Variants in PEX3 observed in about 807,000 individuals in gnomAD.
The protein encoded by PEX3 is peroxisomal biogenesis factor 3.
In PEX3, 30 loss-of-function variants were observed where a neutral mutation model predicts 55.8. The observed-to-expected ratio is 0.54, with a 90% CI of 0.40 to 0.73. The LOEUF (loss-of-function observed/expected upper bound fraction) is 0.73. Ranked by LOEUF, PEX3 falls within the 30% of genes least tolerant of loss-of-function variation. The pLI is 0.00. For missense variants in PEX3, 351 were observed against 432.8 expected (o/e 0.81, Z 1.68); for synonymous variants, 135 against 148.4 (o/e 0.91, Z 0.66).
chr6:143,468,249 T>C (rs1780017368), intron 4 of PEX3, 84 bp downstream of exon 4: 1 of 870,482 alleles, frequency 1.1e-6, no homozygotes, highest in South Asian at 1.5e-5. Context: ...ATGACTCTTC[T>C]TTACCTGCCT....
rs1010904637 is a variant in PEX3 at position 143,487,544 on chromosome 6, C to T, written c.1039-1599C>T. ...AAGATCCTTAAGATTAGAGCTTTTT[C>T]GTAACTCAAAACCAAAGCACTTTTA... is the stretch of plus-strand genomic sequence containing the variant. On this transcript the variant is annotated intron_variant, in intron 11 of 11. Transcript: ENST00000367591. The surrounding 1 kb of genome is among the most constrained non-coding windows in gnomAD (Gnocchi z 5.3). 2.6e-5 allele frequency among the ~76,000 whole-genome samples: 4 copies of T among 152,082 alleles called. No individual in the cohort carries two copies. In the East Asian group the frequency reaches 5.8e-4, roughly 22 times the overall value.
At chr6:143,468,101 T>A in intron 3 of PEX3, 21 bp from the exon 4 acceptor site, 1 of 1,316,070 alleles carries the variant, frequency 7.6e-7, no homozygotes, top group Non-Finnish European at 1.1e-6. Flanking sequence ...TATTTTCATA[T>A]TTTTAAATTT....
Position 143,451,828 on chromosome 6 carries a change from G to A in PEX3, c.73+713G>A, listed in dbSNP as rs1480750620. Among the ~76,000 whole-genome samples the A allele has an allele frequency of 1.3e-5, 2 of 152,158 alleles. No homozygotes were observed. Among genetic ancestry groups the A allele is most frequent in the African/African-American group, 2.4e-5 (1 of 41,438 alleles). ...ACAGATAAGATAAAAATCTTGAGAC[G>A]CTTTTCCCTCATACAATGCTCATGT... On this transcript the variant is annotated intron_variant, in intron 1 of 11. Coordinates refer to ENST00000367591, the MANE Select transcript of PEX3 (RefSeq NM_003630.3). This position sits in a 1 kb window ranked among gnomAD's most constrained non-coding sequence, Gnocchi z 4.1.
chr6:143,467,222 T>C (rs570054862), intron 3 of PEX3, among the ~76,000 whole-genome samples: 251 of 152,184 alleles, frequency 1.6e-3, no homozygotes, highest in African/African-American at 5.6e-3. Flanking sequence ...CTATTTTTTA[T>C]GTGGACAAAA....
rs779716813 is a variant in PEX3 at position 143,489,155 on chromosome 6, A to G, written c.1051A>G (p.Met351Val). 2.5e-6 allele frequency: 4 copies of G among 1,603,546 alleles called. No homozygotes were observed. Among genetic ancestry groups the G allele is most frequent in the East Asian group, 4.5e-5 (2 of 44,718 alleles). The change falls in exon 12 of 12, where the codon ATG becomes GTG. Residue 351 changes from methionine (M) to valine (V), a missense_variant. Coordinates refer to ENST00000367591, the MANE Select transcript of PEX3 (RefSeq NM_003630.3). The surrounding 1 kb of genome is among the most constrained non-coding windows in gnomAD (Gnocchi z 5.5). ...TCATCTTTGCTAGGATCTGTTGACA[A>G]TGGAGCAAGTGAAAGACTTTGCTGC... ...PSHFVQDLLT[M>V]EQVKDFAANV...
intron 9 of PEX3, among the ~76,000 whole-genome samples, chr6:143,477,164 G>A (rs1487713340): frequency 2.0e-5 from 3 of 152,156 alleles, no homozygotes; most frequent in Non-Finnish European, 4.4e-5. Flanking sequence ...AAGAATTAGA[G>A]TTTAGCAGAG....
Position 143,472,186 on chromosome 6 carries a change from T to C in PEX3, c.605T>C (p.Leu202Pro). ...GTTTCTCTTAAACATTCTTTGTCCC[T>C]TTTGGACTTGGAGCAAAAACTAAAA... ...GSVSLKHSLS[L>P]LDLEQKLKEI... is the part of the protein sequence containing the mutation. The change falls in exon 8 of 12, where the codon CTT becomes CCT. Residue 202 changes from leucine (L) to proline (P), a missense_variant. By Grantham distance (98) the Leu-to-Pro change is moderately conservative (BLOSUM62 -3). Coordinates refer to ENST00000367591, the MANE Select transcript of PEX3 (RefSeq NM_003630.3). 6.2e-7 allele frequency: 1 copy of C among 1,608,134 alleles called. No individual in the cohort carries two copies. The highest frequency in any genetic ancestry group is 8.5e-7 in the Non-Finnish European group (1 of 1,174,846).
chr6:143,451,075 C>G lies in PEX3; in HGVS notation c.33C>G (p.Arg11=). 1 of 1,613,764 alleles carries G rather than the reference C, an allele frequency of 6.2e-7. No individual in the cohort carries two copies. Among genetic ancestry groups the G allele is most frequent in the Admixed American group, 1.7e-5 (1 of 60,014 alleles). ...GGTCTGTATGGAATTTTCTGAAACG[C>G]CACAAAAAGAAATGCATCTTCCTGG... is the stretch of plus-strand genomic sequence containing the variant. MLRSVWNFLK[R]HKKKCIFLGT... The change falls in exon 1 of 12, where the codon CGC becomes CGG. Residue 11 remains arginine (R), a synonymous_variant. Coordinates refer to ENST00000367591, the MANE Select transcript of PEX3 (RefSeq NM_003630.3). This position sits in a 1 kb window ranked among gnomAD's most constrained non-coding sequence, Gnocchi z 4.1.
At position 143,468,248 on chromosome 6, in the gene PEX3, C is replaced by G. The variant is rs1394929418; in HGVS notation, c.331+83C>G. 8 of 868,888 alleles carry G rather than the reference C, an allele frequency of 9.2e-6. No individual in the cohort carries two copies. The African/African-American group carries it at 1.0e-4, about 11-fold the overall frequency. The allele number at this position is 868,888 out of a possible 1,614,324, so 53.8% of individuals were successfully genotyped here. On this transcript the variant is annotated intron_variant, in intron 4 of 11. Coordinates refer to ENST00000367591, the MANE Select transcript of PEX3 (RefSeq NM_003630.3). ...TTTGCATTCTATTAGGATGACTCTTCTTTACCTGCCTTTTAGAATTGTTGT... is the reference window on the plus strand; with the variant it reads ...TTTGCATTCTATTAGGATGACTCTTGTTTACCTGCCTTTTAGAATTGTTGT...
Position 143,462,912 on chromosome 6 carries a change from A to G in PEX3, c.206-4A>G. The G allele has an allele frequency of 1.2e-6, 2 of 1,608,846 alleles. No homozygotes were observed. Among genetic ancestry groups the G allele is most frequent in the South Asian group, 2.2e-5 (2 of 90,988 alleles). On this transcript the variant is annotated splice_polypyrimidine_tract_variant and splice_region_variant and intron_variant, in intron 2 of 11. Coordinates refer to ENST00000367591, the MANE Select transcript of PEX3 (RefSeq NM_003630.3). This position sits in a 1 kb window ranked among gnomAD's most constrained non-coding sequence, Gnocchi z 4.1. ...CTTTTTTATTTTTTTTGTTTGTATT[A>G]CAGTGCTGTCCATGCTTCCAACACT... is the stretch of plus-strand genomic sequence containing the variant.
In PEX3 at chr6:143,490,444, A is replaced by T. The variant is rs1362373258; in HGVS notation, c.*1218A>T. The T allele has an allele frequency of 5.2e-6, 1 of 193,726 alleles. No homozygotes were observed. Among genetic ancestry groups the T allele is most frequent in the East Asian group, 1.6e-4 (1 of 6,116 alleles). The allele number at this position is 193,726 out of a possible 1,614,324, so 12.0% of individuals were successfully genotyped here. A position where few individuals can be genotyped will look rare whatever the true frequency, so the allele number is the denominator to read the frequency against. ...GAGTTTGTGTCTAGAATGTTTTTAA[A>T]AATAGGTAGTGGAGCCATAGCCCTC... On this transcript the variant is annotated 3_prime_UTR_variant, in exon 12 of 12. Coordinates refer to ENST00000367591, the MANE Select transcript of PEX3 (RefSeq NM_003630.3). The surrounding 1 kb of genome is among the most constrained non-coding windows in gnomAD (Gnocchi z 6.0).
rs118048916 is a variant in PEX3 at position 143,461,562 on chromosome 6, A to G, written c.206-1354A>G. 4.3e-3 allele frequency among the ~76,000 whole-genome samples: 638 copies of G among 149,166 alleles called. 1 individual carries two copies. The highest frequency in any genetic ancestry group is 0.017 in the Middle Eastern group (5 of 292). ...TATCAAATTTCTATTCCTTTGGATA[A>G]GATGTAATTGATATACTAGAAAAAA... On this transcript the variant is annotated intron_variant, in intron 2 of 11. Coordinates refer to ENST00000367591, the MANE Select transcript of PEX3 (RefSeq NM_003630.3).
In PEX3 at chr6:143,482,739, T is replaced by C. The variant is rs1436360080; in HGVS notation, c.942-2413T>C. Among the ~76,000 whole-genome samples the C allele has an allele frequency of 1.3e-5, 2 of 151,888 alleles. No homozygotes were observed. Among genetic ancestry groups the C allele is most frequent in the African/African-American group, 2.4e-5 (1 of 41,384 alleles). On this transcript the variant is annotated intron_variant, in intron 10 of 11. Transcript: ENST00000367591. This position sits in a 1 kb window ranked among gnomAD's most constrained non-coding sequence, Gnocchi z 5.5. ...ATGTTAGTAATGATTGTGGGCAAAA[T>C]ATATGTTGGTAAGACGAATAACAAT... is the stretch of plus-strand genomic sequence containing the variant.
chr6:143,451,255 G>A lies in PEX3; in HGVS notation c.73+140G>A, dbSNP rs1337628641. 9.3e-5 allele frequency: 67 copies of A among 718,496 alleles called. No homozygotes were observed. The highest frequency in any genetic ancestry group is 7.5e-6 in the Non-Finnish European group (3 of 399,856). 44.5% of individuals were successfully genotyped at this position (718,496 alleles called of 1,614,324 possible). On this transcript the variant is annotated intron_variant, in intron 1 of 11. Coordinates refer to ENST00000367591, the MANE Select transcript of PEX3 (RefSeq NM_003630.3). This position sits in a 1 kb window ranked among gnomAD's most constrained non-coding sequence, Gnocchi z 4.1. ...GATCAACCATGGGATGAAAAGGGAG[G>A]TGGCCAACCTCCAGGGTTCTCCCAT...
rs1454751811 is a variant in PEX3, at chr6:143,475,587, G to A, written c.818+731G>A. Reference sequence around the variant, plus strand: ...AGGATCACCTGAGCCCTGGCAGGTTGAGGCTATGGTGAGCCGTGATTGCAC... The same window carrying A: ...AGGATCACCTGAGCCCTGGCAGGTTAAGGCTATGGTGAGCCGTGATTGCAC... On this transcript the variant is annotated intron_variant, in intron 9 of 11. Coordinates refer to ENST00000367591, the MANE Select transcript of PEX3 (RefSeq NM_003630.3). This position sits in a 1 kb window ranked among gnomAD's most constrained non-coding sequence, Gnocchi z 4.4. Among the ~76,000 whole-genome samples, 1 of 152,184 alleles carries A rather than the reference G, an allele frequency of 6.6e-6. No individual in the cohort carries two copies. Among genetic ancestry groups the A allele is most frequent in the Admixed American group, 6.5e-5 (1 of 15,272 alleles).
chr6:143,482,625 T>C lies in PEX3; in HGVS notation c.942-2527T>C, dbSNP rs1013255266. ...TATGCTTTTCCTATATAATATATAA[T>C]ATAAGGTATAATTATTGTTACTCAT... On this transcript the variant is annotated intron_variant, in intron 10 of 11. Transcript: ENST00000367591. The surrounding 1 kb of genome is among the most constrained non-coding windows in gnomAD (Gnocchi z 5.5). Among the ~76,000 whole-genome samples the C allele has an allele frequency of 2.6e-5, 4 of 151,818 alleles. No homozygotes were observed. Among genetic ancestry groups the C allele is most frequent in the Non-Finnish European group, 5.9e-5 (4 of 67,888 alleles).
At chr6:143,472,126 C>G in intron 7 of PEX3, 34 bp from the exon 8 acceptor site, 2 of 1,449,592 alleles carry the variant, frequency 1.4e-6, no homozygotes, top group Non-Finnish European at 1.9e-6. Flanking sequence ...TGTATAGTTT[C>G]TATTTATCCC....
In PEX3 at chr6:143,489,204, C is replaced by T. The variant is rs1026394357; in HGVS notation, c.1100C>T (p.Thr367Ile). Residue 367 changes from threonine to isoleucine, a missense_variant, in exon 12 of 12, where the codon ACC (threonine) becomes ATC (isoleucine). Thr to Ile is a moderately conservative substitution (Grantham distance 89). Transcript: ENST00000367591. The surrounding 1 kb of genome is among the most constrained non-coding windows in gnomAD (Gnocchi z 5.5). Reference protein sequence around the residue: ...FAANVYEAFSTPQQLEK With the variant: ...FAANVYEAFSIPQQLEK ...GCTAATGTGTATGAAGCTTTTAGTA[C>T]CCCTCAGCAACTGGAGAAATGATTT... The T allele has an allele frequency of 2.5e-6, 4 of 1,601,122 alleles. No homozygotes were observed. The highest frequency in any genetic ancestry group is 3.3e-5 in the Admixed American group (2 of 59,946).
At chr6:143,478,701 A>C (rs1010648566) in intron 9 of PEX3, among the ~76,000 whole-genome samples, 3 of 152,088 alleles carry the variant, frequency 2.0e-5, no homozygotes, top group Admixed American at 6.5e-5. Context: ...TCATTTCCTC[A>C]TCTGTACACA....
Sources: allele counts gnomAD v4.1 joint callset (sites outside exome capture counted in the v4.1 genomes callset), GRCh38; gene constraint gnomAD v4.1.1; non-coding constraint Gnocchi (gnomAD v3.1); transcripts MANE v1.5; gene names NCBI Gene and HGNC (gene_info 2026-07-23, HGNC 2026-07-21).